Variants in ABCE1 observed in about 807,000 individuals in gnomAD.
The protein encoded by ABCE1 is ATP-binding cassette sub-family E member 1.
A neutral mutation model predicts 83.4 loss-of-function variants in ABCE1; 22 were observed. The ratio of observed to expected loss-of-function variants is 0.26; its 90% CI spans 0.19 to 0.38. The LOEUF is 0.38. ABCE1 is among the 10% of genes least tolerant of loss of function. ABCE1 has a pLI of 1.00. For synonymous variants in ABCE1, 204 were observed against 233.7 expected (o/e 0.87, Z 1.16); for missense variants, 330 against 721.9 (o/e 0.46, Z 6.22).
chr4:145,125,089 TAATTC>T lies in ABCE1; in HGVS notation c.1745_1749del (p.Ser582Ter). 6.2e-7 allele frequency: 1 copy of T among 1,601,196 alleles called. No homozygotes were observed. Among genetic ancestry groups the T allele is most frequent in the Admixed American group, 1.7e-5 (1 of 59,886 alleles). ...ACTATAGGCCACGAATAAACAAACT[TAATTC>T]AATTAAGGTATGTAGAAAAGTTGTC... On this transcript the variant is annotated frameshift_variant, in exon 17 of 18. Coordinates refer to ENST00000296577, the MANE Select transcript of ABCE1 (RefSeq NM_002940.3). LOFTEE classifies it high-confidence loss of function.
intron 2 of ABCE1, among the ~76,000 whole-genome samples, chr4:145,104,744 A>G (rs1024716923): frequency 2.0e-5 from 3 of 152,042 alleles, no homozygotes; most frequent in African/African-American, 7.2e-5. Context: ...CAATATTTAA[A>G]AGTGTATTGG....
chr4:145,121,087 T>G, intron 11 of ABCE1, 87 bp from the exon 12 acceptor site: 1 of 1,316,514 alleles, frequency 7.6e-7, no homozygotes, highest in Non-Finnish European at 1.1e-6. Flanking sequence ...TAAAACAAAT[T>G]TCTCAGTTAA....
At chr4:145,116,338 C>T (rs967107344) in intron 9 of ABCE1, among the ~76,000 whole-genome samples, 9 of 151,564 alleles carry the variant, frequency 5.9e-5, no homozygotes, top group African/African-American at 1.9e-4. Context: ...GAAAGAAATA[C>T]GAGGGCCTGA....
intron 14 of ABCE1, 34 bp downstream of exon 14, chr4:145,123,165 A>G: frequency 1.9e-6 from 3 of 1,583,426 alleles, no homozygotes; most frequent in Non-Finnish European, 2.6e-6. Flanking sequence ...TTTTTTTATT[A>G]TTTTGAATTT....
At chr4:145,105,179 A>G (rs1749264944) in intron 2 of ABCE1, among the ~76,000 whole-genome samples, 1 of 152,070 alleles carries the variant, frequency 6.6e-6, no homozygotes. Context: ...AGATGACTGC[A>G]TACCTTTTTG....
At chr4:145,103,294 C>T (rs552841042) in intron 1 of ABCE1, among the ~76,000 whole-genome samples, 130 of 152,172 alleles carry the variant, frequency 8.5e-4, no homozygotes, top group African/African-American at 2.9e-3. Context: ...AAGAAAAAGA[C>T]AACATGATCT....
intron 9 of ABCE1, among the ~76,000 whole-genome samples, chr4:145,114,996 A>G (rs1438184146): frequency 6.6e-6 from 1 of 152,026 alleles, no homozygotes; most frequent in African/African-American, 2.4e-5. Context: ...TAGAGGATGC[A>G]TTGGACAAAA....
intron 1 of ABCE1, among the ~76,000 whole-genome samples, chr4:145,101,073 AATATAT>A (rs1553992739): frequency 2.4e-4 from 37 of 151,804 alleles, no homozygotes; most frequent in Non-Finnish European, 1.3e-4. Flanking sequence ...ATATAAAAAA[AATATAT>A]ATATGGAATA....
chr4:145,112,448 G>A, intron 9 of ABCE1, 120 bp downstream of exon 9: 1 of 729,264 alleles, frequency 1.4e-6, no homozygotes, highest in Middle Eastern at 3.9e-4. Context: ...GTTGTTTATA[G>A]CTGCCACCTA....
At chr4:145,104,865 G>A (rs537108691) in intron 2 of ABCE1, among the ~76,000 whole-genome samples, 53 of 151,552 alleles carry the variant, frequency 3.5e-4, no homozygotes, top group African/African-American at 1.2e-3. Flanking sequence ...TGGGGGAAGG[G>A]TTACAGTAAA....
rs548797263 is a variant in ABCE1, at chr4:145,111,143, GT to G, written c.710+83del. On this transcript the variant is annotated intron_variant, in intron 8 of 17. Coordinates refer to ENST00000296577, the MANE Select transcript of ABCE1 (RefSeq NM_002940.3). ...TTGTGATGCTGCTAATAGAGGAATG[GT>G]TTTGAGAGAAATTAATAGAAATAGT... 133 of 930,286 alleles carry G rather than the reference GT, an allele frequency of 1.4e-4. 1 individual carries two copies. The African/African-American group carries it at 1.9e-3, about 13-fold the overall frequency. 57.6% of individuals were successfully genotyped at this position (930,286 alleles called of 1,614,324 possible).
At chr4:145,115,026 T>TTA (rs1205546511) in intron 9 of ABCE1, among the ~76,000 whole-genome samples, 1 of 151,856 alleles carries the variant, frequency 6.6e-6, no homozygotes, top group Non-Finnish European at 1.5e-5. Context: ...TTTAAGAAGT[T>TTA]TTATAGAGTT....
chr4:145,121,166 G>A lies in ABCE1; in HGVS notation c.1145-8G>A, dbSNP rs1749733826. ...TTCAGATCAAACTGTCATATGTTGT[G>A]TTGCCAGGAACGGGTAAAACGACAT... On this transcript the variant is annotated splice_polypyrimidine_tract_variant and splice_region_variant and intron_variant, in intron 11 of 17. Transcript: ENST00000296577. 7 of 1,612,814 alleles carry A rather than the reference G, an allele frequency of 4.3e-6. No individual in the cohort carries two copies. The highest frequency in any genetic ancestry group is 5.9e-6 in the Non-Finnish European group (7 of 1,179,826).
intron 8 of ABCE1, 57 bp downstream of exon 8, chr4:145,111,121 T>C: frequency 8.7e-7 from 1 of 1,152,624 alleles, no homozygotes. Flanking sequence ...TTTTCAGTTG[T>C]GATGCTGCTA....
chr4:145,116,359 A>C (rs1749607062), intron 9 of ABCE1, among the ~76,000 whole-genome samples: 1 of 151,980 alleles, frequency 6.6e-6, no homozygotes, highest in Non-Finnish European at 1.5e-5. Flanking sequence ...ACTAGAATTT[A>C]GGCAAAGAAG....
intron 4 of ABCE1, 152 bp downstream of exon 4, chr4:145,108,264 T>TG: frequency 4.1e-6 from 3 of 727,876 alleles, no homozygotes; most frequent in Non-Finnish European, 6.9e-6. Flanking sequence ...TCATACTGCA[T>TG]ATGTCTGTGG....
chr4:145,098,923 C>G (rs1748999577), intron 1 of ABCE1, among the ~76,000 whole-genome samples: 1 of 152,330 alleles, frequency 6.6e-6, no homozygotes, highest in South Asian at 2.1e-4. Context: ...ACTCGCTGTC[C>G]ACTCCCAGGC....
At chr4:145,099,124 G>A (rs1425853742) in intron 1 of ABCE1, among the ~76,000 whole-genome samples, 1 of 152,154 alleles carries the variant, frequency 6.6e-6, no homozygotes, top group Admixed American at 6.5e-5. Flanking sequence ...TTGAGATCAA[G>A]GTTGATGTCT....
intron 1 of ABCE1, among the ~76,000 whole-genome samples, chr4:145,102,175 A>G (rs1284794351): frequency 6.6e-6 from 1 of 152,130 alleles, no homozygotes; most frequent in Non-Finnish European, 1.5e-5. Flanking sequence ...AGGTCTGATA[A>G]CCATTTGTTT....
Sources: allele counts gnomAD v4.1 joint callset (sites outside exome capture counted in the v4.1 genomes callset), GRCh38; gene constraint gnomAD v4.1.1; transcripts MANE v1.5; gene names NCBI Gene and HGNC (gene_info 2026-07-23, HGNC 2026-07-21).